The following CCDC7 variants were observed in gnomAD, a reference collection of about 807,000 sequenced individuals.
CCDC7 encodes coiled-coil domain-containing protein 7.
Under a neutral mutation model 196.9 loss-of-function variants are expected in CCDC7, and 183 were observed. The ratio of observed to expected loss-of-function variants is 0.93; its 90% CI spans 0.82 to 1.05. The LOEUF (loss-of-function observed/expected upper bound fraction) is 1.05. Among genes scored for constraint, CCDC7 ranks in the 50% least tolerant of loss-of-function variants. The pLI, the probability that CCDC7 is intolerant of heterozygous loss-of-function variation, is 0.00. For synonymous variants in CCDC7, 525 were observed against 484.6 expected (o/e 1.08, Z -1.10); for missense variants, 1,540 against 1,482.2 (o/e 1.04, Z -0.64).
At chr10:32,521,477 G>A (rs1026839370) in intron 11 of CCDC7, among the ~76,000 whole-genome samples, 1 of 151,576 alleles carries the variant, frequency 6.6e-6, no homozygotes, top group Admixed American at 6.6e-5. Context: ...TTACTTGTTT[G>A]ATTTCTTTTT....
intron 18 of CCDC7, among the ~76,000 whole-genome samples, chr10:32,613,025 A>G (rs554463239): frequency 1.3e-5 from 2 of 152,292 alleles, no homozygotes; most frequent in African/African-American, 4.8e-5. Context: ...TACCTCTGGT[A>G]GAATTCGACT....
At chr10:32,779,479 A>G (rs1293346656) in intron 29 of CCDC7, among the ~76,000 whole-genome samples, 3 of 152,240 alleles carry the variant, frequency 2.0e-5, no homozygotes, top group Non-Finnish European at 4.4e-5. Flanking sequence ...TATAGGCAAT[A>G]TGGCTGCCTT....
rs537752091 is a variant in CCDC7 at position 32,684,905 on chromosome 10, A to T, written c.2123-1065A>T. Among the ~76,000 whole-genome samples, 218 of 152,192 alleles carry T rather than the reference A, an allele frequency of 1.4e-3. 1 individual carries two copies. Among genetic ancestry groups the T allele is most frequent in the African/African-American group, 5.0e-3 (207 of 41,514 alleles). On this transcript the variant is annotated intron_variant, in intron 21 of 41. Transcript: ENST00000639629. ...TGAGTTTTTTCTCTTTAATAGGTTC[A>T]CTAAGTTTGCTTTCAGTTTTAGTTT...
intron 21 of CCDC7, among the ~76,000 whole-genome samples, chr10:32,673,653 A>G (rs867597801): frequency 6.0e-4 from 73 of 120,682 alleles, no homozygotes; most frequent in Admixed American, 9.5e-4. Flanking sequence ...ACCATTGTGC[A>G]CGTGTGTGTG....
chr10:32,482,974 T>C (rs1336532827), intron 8 of CCDC7, among the ~76,000 whole-genome samples: 1 of 152,218 alleles, frequency 6.6e-6, no homozygotes, highest in South Asian at 2.1e-4. Flanking sequence ...TGCATGTGTC[T>C]TTATAGCAGC....
chr10:32,597,782 G>A (rs921332362), intron 18 of CCDC7, among the ~76,000 whole-genome samples: 6 of 152,150 alleles, frequency 3.9e-5, no homozygotes, highest in South Asian at 2.1e-4. Flanking sequence ...GTGTGCTGGC[G>A]GTCCACGCCA....
At chr10:32,545,315 G>T (rs11008969) in intron 13 of CCDC7, among the ~76,000 whole-genome samples, 12,829 of 152,242 alleles carry the variant, frequency 0.084, 837 homozygotes, top group East Asian at 0.33. Flanking sequence ...CTTTGTAGAT[G>T]TTTAGAGTAC....
At chr10:32,687,362 A>G (rs1049807776) in intron 22 of CCDC7, among the ~76,000 whole-genome samples, 2 of 152,232 alleles carry the variant, frequency 1.3e-5, no homozygotes, top group Non-Finnish European at 2.9e-5. Flanking sequence ...CTTCACTAAA[A>G]TGACCTTAAC....
intron 28 of CCDC7, among the ~76,000 whole-genome samples, chr10:32,755,488 G>A (rs552167697): frequency 6.6e-6 from 1 of 152,100 alleles, no homozygotes; most frequent in Non-Finnish European, 1.5e-5. Flanking sequence ...CAGGCAAATA[G>A]GATCTGCAGT....
At chr10:32,619,369 A>G (rs1362962356) in intron 18 of CCDC7, among the ~76,000 whole-genome samples, 1 of 152,148 alleles carries the variant, frequency 6.6e-6, no homozygotes, top group Non-Finnish European at 1.5e-5. Context: ...ATCAATAGCT[A>G]GCCTGTATAA....
chr10:32,594,167 C>A (rs992777665), intron 18 of CCDC7, among the ~76,000 whole-genome samples: 6 of 152,142 alleles, frequency 3.9e-5, no homozygotes, highest in Non-Finnish European at 5.9e-5. Context: ...GATATTGATT[C>A]TTCTTATCCA....
chr10:32,521,055 C>T (rs1163377515), intron 11 of CCDC7, among the ~76,000 whole-genome samples: 1 of 151,968 alleles, frequency 6.6e-6, no homozygotes, highest in Non-Finnish European at 1.5e-5. Context: ...TTTCTGGGTT[C>T]TCTTCTGTTC....
At chr10:32,453,809 A>G (rs1345701017) in intron 2 of CCDC7, among the ~76,000 whole-genome samples, 2 of 152,234 alleles carry the variant, frequency 1.3e-5, no homozygotes, top group Non-Finnish European at 2.9e-5. Context: ...AAAGTTTAAC[A>G]TATACTTAAA....
chr10:32,553,115 TTTTA>T (rs199670866), intron 13 of CCDC7, among the ~76,000 whole-genome samples: 25 of 141,532 alleles, frequency 1.8e-4, no homozygotes, highest in African/African-American at 2.9e-4. Flanking sequence ...TTTTTTTTTT[TTTTA>T]ATTCTTTTTT....
chr10:32,603,328 T>G (rs887391850), intron 18 of CCDC7, among the ~76,000 whole-genome samples: 1 of 152,152 alleles, frequency 6.6e-6, no homozygotes, highest in Non-Finnish European at 1.5e-5. Flanking sequence ...ATATGTACCA[T>G]GTTTTCTTTA....
At chr10:32,633,696 A>ATATATATATATG (rs779341941) in intron 18 of CCDC7, among the ~76,000 whole-genome samples, 8 of 135,160 alleles carry the variant, frequency 5.9e-5, no homozygotes, top group South Asian at 2.7e-4. Flanking sequence ...ATATATATAT[A>ATATATATATATG]TGTGTGTGTG....
At chr10:32,477,900 G>A (rs1379894309) in intron 8 of CCDC7, among the ~76,000 whole-genome samples, 1 of 152,140 alleles carries the variant, frequency 6.6e-6, no homozygotes, top group Non-Finnish European at 1.5e-5. Flanking sequence ...GATTGAGATT[G>A]CATTGAATCT....
At chr10:32,733,532 T>G (rs944002372) in intron 28 of CCDC7, among the ~76,000 whole-genome samples, 7 of 152,260 alleles carry the variant, frequency 4.6e-5, no homozygotes, top group African/African-American at 1.7e-4. Flanking sequence ...CATTGATGTA[T>G]TTTTAATTAG....
At chr10:32,621,043 G>A (rs1413265326) in intron 18 of CCDC7, among the ~76,000 whole-genome samples, 1 of 152,078 alleles carries the variant, frequency 6.6e-6, no homozygotes, top group African/African-American at 2.4e-5. Context: ...GAAATAATGT[G>A]TTTTAGTTTT....
Sources: allele counts gnomAD v4.1 joint callset (sites outside exome capture counted in the v4.1 genomes callset), GRCh38; gene constraint gnomAD v4.1.1; transcripts MANE v1.5; gene names NCBI Gene and HGNC (gene_info 2026-07-23, HGNC 2026-07-21).